The following ANTXR1 variants were observed in gnomAD, a reference collection of about 807,000 sequenced individuals.
ANTXR1 encodes the protein anthrax toxin receptor 1.
A neutral mutation model predicts 78.1 loss-of-function variants in ANTXR1; 19 were observed. The observed-to-expected ratio is 0.24, with a 90% confidence interval of 0.17 to 0.36. The LOEUF is 0.36. Among genes scored for constraint, ANTXR1 ranks in the 10% least tolerant of loss-of-function variants. The pLI, the probability that ANTXR1 is intolerant of heterozygous loss-of-function variation, is 1.00. For missense variants in ANTXR1, 518 were observed against 718.6 expected (o/e 0.72, Z 3.19); for synonymous variants, 273 against 260.5 (o/e 1.05, Z -0.46).
At position 69,077,458 on chromosome 2, in the gene ANTXR1, C is replaced by T. The variant is rs377562518; in HGVS notation, c.612C>T (p.Gly204=). 1.4e-4 allele frequency: 222 copies of T among 1,614,046 alleles called. No individual in the cohort carries two copies. Among genetic ancestry groups the T allele is most frequent in the Middle Eastern group, 3.3e-4 (2 of 6,084 alleles). ...SKDHVFPVND[G]FQALQGIIHS... ...ATCATGTGTTTCCCGTGAATGACGG[C>T]TTTCAGGCTCTGCAAGGCATCATCC... Residue 204 remains glycine (G), a synonymous_variant, in exon 8 of 18, where the codon GGC becomes GGT. Coordinates refer to ENST00000303714, the MANE Select transcript of ANTXR1 (RefSeq NM_032208.3).
intron 17 of ANTXR1, among the ~76,000 whole-genome samples, chr2:69,201,737 C>T (rs1282772003): frequency 1.3e-5 from 2 of 152,112 alleles, no homozygotes; most frequent in African/African-American, 4.8e-5. Context: ...GGATTTGGCC[C>T]AAGCGACATT....
chr2:69,028,847 A>G (rs991620112), intron 1 of ANTXR1, among the ~76,000 whole-genome samples: 12 of 152,224 alleles, frequency 7.9e-5, no homozygotes, highest in African/African-American at 2.9e-4. Flanking sequence ...ATTGCAAAAA[A>G]GTAGATTCAG....
rs191313728 is a variant in ANTXR1, at chr2:69,052,660, A to G, written c.296+7847A>G. ...GAGCCATTCTATCTGAAGACTTAAT[A>G]CACTTTTTCAGCTTAAAACATTTCT... On this transcript the variant is annotated intron_variant, in intron 3 of 17. Transcript: ENST00000303714. Among the ~76,000 whole-genome samples, 54 of 152,222 alleles carry G rather than the reference A, an allele frequency of 3.5e-4. 1 individual carries two copies. The highest frequency in any genetic ancestry group is 1.5e-3 in the Admixed American group (23 of 15,284).
rs1339878939 is a variant in ANTXR1, at chr2:69,177,889, T to A, written c.1090-3897T>A. On this transcript the variant is annotated intron_variant, in intron 14 of 17. Transcript: ENST00000303714. ...GCTCTGCCCCACTCTGTTCTGCTCA[T>A]CTTCTCATTCCCCACAAGCCCCTGA... Among the ~76,000 whole-genome samples, 4 of 152,208 alleles carry A rather than the reference T, an allele frequency of 2.6e-5. No individual in the cohort carries two copies. In the East Asian group the frequency reaches 7.7e-4, roughly 29 times the overall value.
intron 17 of ANTXR1, among the ~76,000 whole-genome samples, chr2:69,227,535 A>G (rs563575789): frequency 2.6e-5 from 4 of 152,224 alleles, no homozygotes; most frequent in South Asian, 2.1e-4. Flanking sequence ...TATTTAGGTT[A>G]GAAGTTCAGC....
chr2:69,142,981 T>C (rs1024100698), intron 12 of ANTXR1, among the ~76,000 whole-genome samples: 2 of 152,246 alleles, frequency 1.3e-5, no homozygotes, highest in African/African-American at 4.8e-5. Context: ...AATGTGAATG[T>C]ATACTTTCAT....
chr2:69,016,426 T>C (rs577511812), intron 1 of ANTXR1, among the ~76,000 whole-genome samples: 2 of 152,306 alleles, frequency 1.3e-5, no homozygotes, highest in Admixed American at 6.5e-5. Flanking sequence ...AAGAAGTACC[T>C]ACATGTATGT....
intron 17 of ANTXR1, among the ~76,000 whole-genome samples, chr2:69,221,063 G>A (rs1675305609): frequency 6.6e-6 from 1 of 152,142 alleles, no homozygotes; most frequent in South Asian, 2.1e-4. Flanking sequence ...ATTGAGAAGT[G>A]GAAACATATG....
chr2:69,240,978 T>G (rs749427559), intron 17 of ANTXR1, among the ~76,000 whole-genome samples: 4 of 152,202 alleles, frequency 2.6e-5, no homozygotes, highest in Non-Finnish European at 5.9e-5. Flanking sequence ...GCTGGCATCC[T>G]AAGCCTTCAT....
Position 69,152,154 on chromosome 2 carries a change from C to G in ANTXR1, c.952-15C>G. 1 of 1,613,576 alleles carries G rather than the reference C, an allele frequency of 6.2e-7. No individual in the cohort carries two copies. Among genetic ancestry groups the G allele is most frequent in the Non-Finnish European group, 8.5e-7 (1 of 1,179,718 alleles). On this transcript the variant is annotated splice_polypyrimidine_tract_variant and intron_variant, in intron 12 of 17. Transcript: ENST00000303714. ...TCCCATCCCGCTGCTGACCGCCTCT[C>G]TCTTGGCCCTGCAGTCTGACGGTTC...
At chr2:69,149,836 A>T (rs989025426) in intron 12 of ANTXR1, among the ~76,000 whole-genome samples, 2 of 152,244 alleles carry the variant, frequency 1.3e-5, no homozygotes, top group Non-Finnish European at 2.9e-5. Flanking sequence ...GTCCTTGGCC[A>T]GCCCTAAGTT....
chr2:69,185,330 G>C (rs1032792991), intron 16 of ANTXR1, among the ~76,000 whole-genome samples: 2 of 152,100 alleles, frequency 1.3e-5, no homozygotes, highest in East Asian at 3.9e-4. Flanking sequence ...CACAAGGTCA[G>C]GAGTTTGAGA....
intron 17 of ANTXR1, among the ~76,000 whole-genome samples, chr2:69,200,405 C>G (rs1420716249): frequency 6.6e-6 from 1 of 152,216 alleles, no homozygotes; most frequent in African/African-American, 2.4e-5. Context: ...TCCCTACTGT[C>G]GCAGAGGCGA....
intron 17 of ANTXR1, among the ~76,000 whole-genome samples, chr2:69,215,498 GA>G (rs1675152661): frequency 6.6e-6 from 1 of 152,122 alleles, no homozygotes; most frequent in African/African-American, 2.4e-5. Flanking sequence ...CCCATTTAAA[GA>G]TATGCCCCAT....
At chr2:69,086,880 C>T (rs1223418964) in intron 8 of ANTXR1, among the ~76,000 whole-genome samples, 1 of 152,220 alleles carries the variant, frequency 6.6e-6, no homozygotes, top group Non-Finnish European at 1.5e-5. Flanking sequence ...GGATCGATCA[C>T]ATCTGTCTAG....
At chr2:69,017,107 G>A (rs948452505) in intron 1 of ANTXR1, among the ~76,000 whole-genome samples, 2 of 152,198 alleles carry the variant, frequency 1.3e-5, no homozygotes, top group African/African-American at 4.8e-5. Context: ...ACTTGGTGCG[G>A]TAGTGCACAC....
At chr2:69,155,357 G>T (rs1189780783) in intron 13 of ANTXR1, among the ~76,000 whole-genome samples, 1 of 152,086 alleles carries the variant, frequency 6.6e-6, no homozygotes, top group South Asian at 2.1e-4. Flanking sequence ...GGGGAGAGAG[G>T]TATTGGACTA....
At chr2:69,209,152 C>T (rs1674979234) in intron 17 of ANTXR1, among the ~76,000 whole-genome samples, 2 of 152,208 alleles carry the variant, frequency 1.3e-5, no homozygotes, top group African/African-American at 4.8e-5. Context: ...CCTTTAAAAC[C>T]TTGTTCTAAG....
intron 13 of ANTXR1, among the ~76,000 whole-genome samples, chr2:69,158,023 C>T (rs1377164796): frequency 6.6e-6 from 1 of 152,178 alleles, no homozygotes; most frequent in Non-Finnish European, 1.5e-5. Flanking sequence ...CAGGGTCTCC[C>T]TTAGCACCTG....
Sources: gnomAD v4.1 joint callset for allele counts (sites outside exome capture counted in the v4.1 genomes callset) on GRCh38, gnomAD v4.1.1 for gene constraint, MANE v1.5 for transcripts, NCBI Gene and HGNC (gene_info 2026-07-23, HGNC 2026-07-21) for gene names.